The following NAALAD2 variants were observed in gnomAD, a reference collection of about 807,000 sequenced individuals.
The protein encoded by NAALAD2 is N-acetylated alpha-linked acidic dipeptidase 2, also known as N-acetylated-alpha-linked acidic dipeptidase 2.
NAALAD2 carries 89 observed loss-of-function variants against 95.6 expected under a neutral mutation model. The observed-to-expected ratio is 0.93, with a 90% CI of 0.78 to 1.11. The LOEUF (loss-of-function observed/expected upper bound fraction) is 1.11. Among genes scored for constraint, NAALAD2 ranks in the 50% least tolerant of loss-of-function variants. The probability of loss-of-function intolerance (pLI) is 0.00; values close to 1 mark genes in which losing one functional copy is unlikely to be tolerated. For missense variants in NAALAD2, 894 were observed against 872.4 expected (o/e 1.02, Z -0.31); for synonymous variants, 264 against 294.4 (o/e 0.90, Z 1.06).
At chr11:90,159,156 A>G (rs1417095001) in intron 7 of NAALAD2, 83 bp from the exon 8 acceptor site, 1 of 1,042,900 alleles carries the variant, frequency 9.6e-7, no homozygotes, top group African/African-American at 1.6e-5. Flanking sequence ...ATATATATGA[A>G]TGAAATATTG....
intron 6 of NAALAD2, among the ~76,000 whole-genome samples, chr11:90,155,643 A>T (rs1304787690): frequency 1.3e-5 from 1 of 75,790 alleles, no homozygotes; most frequent in Non-Finnish European, 2.2e-5. Flanking sequence ...TATATATATA[A>T]TTATTACATA....
rs931570357 is a variant in NAALAD2 at position 90,134,936 on chromosome 11, C to T, written c.82+96C>T. 6 of 1,385,776 alleles carry T rather than the reference C, an allele frequency of 4.3e-6. No homozygotes were observed. The African/African-American group carries it at 7.1e-5, about 16-fold the overall frequency. 85.8% of individuals were successfully genotyped at this position (1,385,776 alleles called of 1,614,324 possible). A position where few individuals can be genotyped will look rare whatever the true frequency, so the allele number is the denominator to read the frequency against. Reference sequence around the variant, plus strand: ...TGGAGCTGGAAGGGATTGGGCTGTGCGCTAGCCCTGGCCGGCTGGGCTAGA... The same window carrying T: ...TGGAGCTGGAAGGGATTGGGCTGTGTGCTAGCCCTGGCCGGCTGGGCTAGA... On this transcript the variant is annotated intron_variant, in intron 1 of 18. Coordinates refer to ENST00000534061, the MANE Select transcript of NAALAD2 (RefSeq NM_005467.4).
Position 90,191,708 on chromosome 11 carries a change from A to T in NAALAD2, c.2184A>T (p.Thr728=). The T allele has an allele frequency of 1.9e-6, 3 of 1,595,708 alleles. No homozygotes were observed. Among genetic ancestry groups the T allele is most frequent in the Non-Finnish European group, 2.6e-6 (3 of 1,171,698 alleles). The change falls in exon 19 of 19, where the codon ACA becomes ACT. Residue 728 remains threonine (T), a synonymous_variant. Coordinates refer to ENST00000534061, the MANE Select transcript of NAALAD2 (RefSeq NM_005467.4). The stretch of plus-strand genomic sequence containing the variant: ...AACATATTTCTATTGCAGCTTTTAC[A>T]ATTCAAGCAGCAGCAGGAACTCTGA... ...VKKHISIAAF[T]IQAAAGTLKE... is the part of the protein sequence containing the mutation.
intron 13 of NAALAD2, among the ~76,000 whole-genome samples, chr11:90,172,714 G>A (rs948152822): frequency 1.3e-5 from 2 of 152,134 alleles, no homozygotes; most frequent in Non-Finnish European, 2.9e-5. Flanking sequence ...TGAGGTCCAA[G>A]AGGGTAGAGA....
intron 11 of NAALAD2, among the ~76,000 whole-genome samples, chr11:90,165,842 C>G (rs1280730165): frequency 6.6e-6 from 1 of 152,074 alleles, no homozygotes; most frequent in Non-Finnish European, 1.5e-5. Context: ...TAAACACATG[C>G]ATCTGTTTTT....
intron 6 of NAALAD2, among the ~76,000 whole-genome samples, chr11:90,157,075 G>C (rs7124631): frequency 0.45 from 68,663 of 151,812 alleles, 16,584 homozygotes; most frequent in African/African-American, 0.62. Context: ...TTTTTGGTTG[G>C]AGTATTCTAT....
At position 90,144,733 on chromosome 11, in the gene NAALAD2, A is replaced by C. The variant is rs566677183; in HGVS notation, c.195-2597A>C. Among the ~76,000 whole-genome samples, 7 of 146,172 alleles carry C rather than the reference A, an allele frequency of 4.8e-5. No individual in the cohort carries two copies. In the Admixed American group the frequency reaches 4.8e-4, roughly 10 times the overall value. On this transcript the variant is annotated intron_variant, in intron 2 of 18. Coordinates refer to ENST00000534061, the MANE Select transcript of NAALAD2 (RefSeq NM_005467.4). ...CTCCAGCCTGGGCAACAAGAGCAAA[A>C]CTCCATTAAAAAAAAAAAAAAACGG...
At chr11:90,162,269 C>T (rs1034172318) in intron 8 of NAALAD2, among the ~76,000 whole-genome samples, 1 of 151,998 alleles carries the variant, frequency 6.6e-6, no homozygotes, top group African/African-American at 2.4e-5. Flanking sequence ...TTTTCTAATT[C>T]GGTTGATTGT....
At chr11:90,171,326 G>A (rs1952627753) in intron 13 of NAALAD2, among the ~76,000 whole-genome samples, 2 of 151,978 alleles carry the variant, frequency 1.3e-5, no homozygotes, top group Non-Finnish European at 2.9e-5. Context: ...TCTTTTTCAT[G>A]TCTTTAAAAA....
intron 2 of NAALAD2, among the ~76,000 whole-genome samples, chr11:90,135,994 A>C (rs957674530): frequency 6.6e-6 from 1 of 152,282 alleles, no homozygotes; most frequent in African/African-American, 2.4e-5. Flanking sequence ...CTTAGATACC[A>C]TATTCTGTCA....
chr11:90,182,185 CATTTT>C (rs1334316719), intron 17 of NAALAD2, among the ~76,000 whole-genome samples: 2 of 151,762 alleles, frequency 1.3e-5, no homozygotes, highest in African/African-American at 4.8e-5. Flanking sequence ...ATTTTTTTTG[CATTTT>C]ATTTAATTTC....
chr11:90,162,237 C>T (rs1952317430), intron 8 of NAALAD2, among the ~76,000 whole-genome samples: 1 of 152,088 alleles, frequency 6.6e-6, no homozygotes, highest in Non-Finnish European at 1.5e-5. Context: ...TTCTGTCTGG[C>T]TGAGCTTGAT....
At chr11:90,190,665 TTTAATTTTAAAAAAATCCA>T (rs1857296699) in intron 18 of NAALAD2, among the ~76,000 whole-genome samples, 1 of 152,106 alleles carries the variant, frequency 6.6e-6, no homozygotes, top group Non-Finnish European at 1.5e-5. Flanking sequence ...ATAAACTGAT[TTTAATTTTAAAAAAATCCA>T]TCTGAGGCCA....
At chr11:90,135,796 C>CT (rs59013316) in intron 2 of NAALAD2, 126 bp downstream of exon 2, 29,097 of 478,228 alleles carry the variant, frequency 0.061, no homozygotes, top group Middle Eastern at 0.076. Flanking sequence ...TAGTCATCAA[C>CT]TTTTTTTTTT....
At chr11:90,172,359 C>T (rs923351976) in intron 13 of NAALAD2, among the ~76,000 whole-genome samples, 4 of 152,150 alleles carry the variant, frequency 2.6e-5, no homozygotes, top group African/African-American at 9.7e-5. Flanking sequence ...ACTTCCCAGC[C>T]CTACCATTAC....
At chr11:90,154,243 A>G (rs1413057326) in intron 6 of NAALAD2, among the ~76,000 whole-genome samples, 1 of 151,976 alleles carries the variant, frequency 6.6e-6, no homozygotes, top group Non-Finnish European at 1.5e-5. Context: ...CAGGGAAAGT[A>G]TCCAGTCTTT....
At position 90,144,734 on chromosome 11, in the gene NAALAD2, C is replaced by A. The variant is rs529565069; in HGVS notation, c.195-2596C>A. ...TCCAGCCTGGGCAACAAGAGCAAAA[C>A]TCCATTAAAAAAAAAAAAAAACGGA... On this transcript the variant is annotated intron_variant, in intron 2 of 18. Transcript: ENST00000534061. Among the ~76,000 whole-genome samples, 7 of 54,278 alleles carry A rather than the reference C, an allele frequency of 1.3e-4. No individual in the cohort carries two copies. The Admixed American group carries it at 1.6e-3, about 12-fold the overall frequency. The allele number at this position is 54,278 out of a possible 152,430, so 35.6% of individuals were successfully genotyped here. A position where few individuals can be genotyped will look rare whatever the true frequency, so the allele number is the denominator to read the frequency against.
chr11:90,146,782 A>G lies in NAALAD2; in HGVS notation c.195-548A>G, dbSNP rs374395454. Among the ~76,000 whole-genome samples the G allele has an allele frequency of 1.8e-4, 28 of 152,284 alleles. No homozygotes were observed. The East Asian group carries it at 4.6e-3, about 25-fold the overall frequency. On this transcript the variant is annotated intron_variant, in intron 2 of 18. Coordinates refer to ENST00000534061, the MANE Select transcript of NAALAD2 (RefSeq NM_005467.4). ...TCCAAAACCAAGAGAACACTGCCCAAATTAAATTCAGCAAGCCTGTACATT... is the reference window on the plus strand; with the variant it reads ...TCCAAAACCAAGAGAACACTGCCCAGATTAAATTCAGCAAGCCTGTACATT...
chr11:90,188,732 T>C (rs751611390), intron 18 of NAALAD2, among the ~76,000 whole-genome samples: 4 of 152,208 alleles, frequency 2.6e-5, no homozygotes, highest in Non-Finnish European at 4.4e-5. Flanking sequence ...GCAAACTTAA[T>C]TATTTTTGAG....
Sources: allele counts gnomAD v4.1 joint callset (sites outside exome capture counted in the v4.1 genomes callset), GRCh38; gene constraint gnomAD v4.1.1; transcripts MANE v1.5; gene names NCBI Gene and HGNC (gene_info 2026-07-23, HGNC 2026-07-21).